STRC: variants seen among roughly 807,000 people sequenced by gnomAD.
The protein encoded by STRC is stereocilin.
Under a neutral mutation model 103.5 loss-of-function variants are expected in STRC, and 43 were observed. The observed-to-expected ratio is 0.42, with a 90% CI of 0.33 to 0.54. The LOEUF (loss-of-function observed/expected upper bound fraction) is 0.54, where lower values mean the gene tolerates loss of function less well. Ranked by LOEUF, STRC falls within the 20% of genes least tolerant of loss-of-function variation. The probability of loss-of-function intolerance (pLI) is 0.14; values close to 1 mark genes in which losing one functional copy is unlikely to be tolerated. For missense variants in STRC, 499 were observed against 1,088.5 expected (o/e 0.46, Z 7.62); for synonymous variants, 186 against 442.3 (o/e 0.42, Z 7.27).
At chr15:43,602,283 G>T (rs1367832980) in intron 23 of STRC, among the ~76,000 whole-genome samples, 1 of 151,726 alleles carries the variant, frequency 6.6e-6, no homozygotes, top group Non-Finnish European at 1.5e-5. Context: ...TGCACTCATG[G>T]GATTCTCCTA....
chr15:43,601,761 C>T, intron 23 of STRC: 2 of 573,474 alleles, frequency 3.5e-6, no homozygotes, highest in Non-Finnish European at 6.2e-6. Flanking sequence ...AAAAGAAGAG[C>T]AAACTAACTC....
At chr15:43,600,835 C>T in intron 25 of STRC, 37 bp downstream of exon 25, 6 of 1,613,760 alleles carry the variant, frequency 3.7e-6, no homozygotes, top group South Asian at 1.1e-5. Flanking sequence ...TCCACCTTTA[C>T]CTCAGCACCA....
rs767820158 is a variant in STRC at position 43,604,089 on chromosome 15, T to G, written c.4282A>C (p.Arg1428=). 4.3e-6 allele frequency: 7 copies of G among 1,613,208 alleles called. No homozygotes were observed. The Admixed American group carries it at 6.7e-5, about 15-fold the overall frequency. Reference sequence around the variant, plus strand: ...GGCTCCCTACACAGCTGTCCAACTCTGCTCTGCTCCCAGCTCTGCTGCTTT... The same window carrying G: ...GGCTCCCTACACAGCTGTCCAACTCGGCTCTGCTCCCAGCTCTGCTGCTTT... ...LEKQQSWEQS[R]VGQLCREPQL... is the part of the protein sequence containing the mutation. The change falls in exon 22 of 29, where the codon AGA becomes CGA. Residue 1428 remains arginine (R), a synonymous_variant. Transcript: ENST00000450892.
Position 43,604,131 on chromosome 15 carries a change from G to A in STRC, c.4240C>T (p.Leu1414=). 1 of 1,610,560 alleles carries A rather than the reference G, an allele frequency of 6.2e-7. No individual in the cohort carries two copies. Among genetic ancestry groups the A allele is most frequent in the Non-Finnish European group, 8.5e-7 (1 of 1,178,628 alleles). ...IPREALGPET[L]ERLLEKQQSW... is the part of the protein sequence containing the mutation. ...TGCTGCTTTTCTAGAAGCCGCTCCAGGGTCTCTGGACCCAAGGCCTCCTGC... is the reference window on the plus strand; with the variant it reads ...TGCTGCTTTTCTAGAAGCCGCTCCAAGGTCTCTGGACCCAAGGCCTCCTGC... Residue 1414 remains leucine, a synonymous_variant, in exon 22 of 29, where the codon CTG becomes TTG. Transcript: ENST00000450892.
At chr15:43,610,119 G>C (rs1398040228) in intron 15 of STRC, 193 bp downstream of exon 15, 4 of 1,321,476 alleles carry the variant, frequency 3.0e-6, no homozygotes, top group African/African-American at 1.5e-5. Context: ...GATTGCCTGA[G>C]CTCAGGAGTT....
chr15:43,605,312 C>T lies in STRC; in HGVS notation c.3882G>A (p.Leu1294=). 1 of 1,590,448 alleles carries T rather than the reference C, an allele frequency of 6.3e-7. No individual in the cohort carries two copies. Among genetic ancestry groups the T allele is most frequent in the South Asian group, 1.1e-5 (1 of 87,992 alleles). The stretch of plus-strand genomic sequence containing the variant: ...CCAGGGCTGCCTGGTGGAGGGGGGT[C>T]AGTGCCAGCAGCTGCTCTGGAGCTC... ...VQRAPEQLLA[L]TPLHQAALAE... The change falls in exon 19 of 29, where the codon CTG becomes CTA. Residue 1294 remains leucine (L), a synonymous_variant. Transcript: ENST00000450892.
At chr15:43,602,877 C>T (rs1441335540) in intron 23 of STRC, among the ~76,000 whole-genome samples, 2 of 151,582 alleles carry the variant, frequency 1.3e-5, no homozygotes, top group Non-Finnish European at 2.9e-5. Context: ...GATCTCCTGA[C>T]CTCGTGATCT....
In STRC at chr15:43,604,732, G is replaced by A. The variant is rs768496019; in HGVS notation, c.4045C>T (p.Leu1349Phe). 6.2e-7 allele frequency: 1 copy of A among 1,613,662 alleles called. No homozygotes were observed. The highest frequency in any genetic ancestry group is 1.1e-5 in the South Asian group (1 of 91,054). ...QIPLQILLSH[L>F]SQLQGFCLGE... ...AGGCAGAAGCCTTGCAGCTGACTGA[G>A]ATGGGACAGCAGGATCTGTAGGGGG... The change falls in exon 20 of 29, where the codon CTC becomes TTC. Residue 1349 changes from leucine (L) to phenylalanine (F), a missense_variant. Leu to Phe is a conservative substitution (Grantham distance 22). Coordinates refer to ENST00000450892, the MANE Select transcript of STRC (RefSeq NM_153700.2).
intron 23 of STRC, among the ~76,000 whole-genome samples, chr15:43,602,255 A>G (rs985157233): frequency 3.3e-5 from 5 of 151,474 alleles, no homozygotes; most frequent in Non-Finnish European, 7.4e-5. Flanking sequence ...ATCTTGGCAC[A>G]TTGCACCCTC....
intron 24 of STRC, 27 bp downstream of exon 24, chr15:43,601,369 A>G (rs1445805770): frequency 1.2e-6 from 2 of 1,611,982 alleles, no homozygotes; most frequent in East Asian, 2.2e-5. Context: ...GTGTTTGGGA[A>G]GCCGTAGGGA....
intron 22 of STRC, chr15:43,603,651 T>G (rs1257808198): frequency 1.6e-6 from 1 of 632,634 alleles, no homozygotes; most frequent in Non-Finnish European, 2.7e-6. Flanking sequence ...GATTTAATGG[T>G]AGCACTGAAT....
intron 22 of STRC, chr15:43,603,635 T>C: frequency 1.5e-6 from 1 of 647,614 alleles, no homozygotes; most frequent in South Asian, 1.8e-5. Flanking sequence ...GAGGATGTTA[T>C]TCAGAGATTT....
chr15:43,603,447 G>A (rs1222765971), intron 22 of STRC, 36 bp from the exon 23 acceptor site: 15 of 1,603,076 alleles, frequency 9.4e-6, no homozygotes, highest in Non-Finnish European at 1.3e-5. Context: ...GGTCAGCGCA[G>A]TAATAAAATA....
At position 43,604,888 on chromosome 15, in the gene STRC, CAG is replaced by C. The variant is rs1396122101; in HGVS notation, c.3931-44_3931-43del. 4 of 1,570,736 alleles carry C rather than the reference CAG, an allele frequency of 2.5e-6. No individual in the cohort carries two copies. In the African/African-American group the frequency reaches 5.4e-5, roughly 21 times the overall value. On this transcript the variant is annotated intron_variant, in intron 19 of 28. Transcript: ENST00000450892. Reference sequence around the variant, plus strand: ...GAACTTGGACAATGCACTTCTGACTCAGAATACCAGACACCTTGATCAAGACA... The same window carrying C: ...GAACTTGGACAATGCACTTCTGACTCAATACCAGACACCTTGATCAAGACA...
In STRC at chr15:43,601,555, G is replaced by A; in HGVS notation, c.4546-4C>T. On this transcript the variant is annotated splice_region_variant and splice_polypyrimidine_tract_variant and intron_variant, in intron 23 of 28. Coordinates refer to ENST00000450892, the MANE Select transcript of STRC (RefSeq NM_153700.2). ...ATCCCCGGGGGGGACCCCACAACTA[G>A]GAGAAAGACAGGAACAATGTGAGTG... 2 of 1,613,724 alleles carry A rather than the reference G, an allele frequency of 1.2e-6. No individual in the cohort carries two copies. Among genetic ancestry groups the A allele is most frequent in the South Asian group, 2.2e-5 (2 of 91,056 alleles).
At chr15:43,601,862 G>A (rs2085671659) in intron 23 of STRC, among the ~76,000 whole-genome samples, 1 of 151,802 alleles carries the variant, frequency 6.6e-6, no homozygotes, top group Non-Finnish European at 1.5e-5. Flanking sequence ...GCTAACAGCT[G>A]TAATCCCAGC....
intron 24 of STRC, 60 bp downstream of exon 24, chr15:43,601,336 A>G (rs2085666337): frequency 5.0e-6 from 8 of 1,608,258 alleles, no homozygotes; most frequent in South Asian, 3.3e-5. Flanking sequence ...TAGATGATCT[A>G]TAGGGCTGGG....
chr15:43,604,274 C>A (rs2085696014), intron 21 of STRC, 87 bp downstream of exon 21: 4 of 1,595,172 alleles, frequency 2.5e-6, no homozygotes, highest in Non-Finnish European at 3.4e-6. Flanking sequence ...GCTTCATATC[C>A]TTTGCCCTCT....
At chr15:43,600,506 T>A (rs1266260239) in intron 26 of STRC, 28 bp downstream of exon 26, 2 of 1,610,690 alleles carry the variant, frequency 1.2e-6, no homozygotes, top group Non-Finnish European at 1.7e-6. Flanking sequence ...CCAAACCAAC[T>A]TGCACCAGCA....
Sources: allele counts gnomAD v4.1 joint callset (sites outside exome capture counted in the v4.1 genomes callset), GRCh38; gene constraint gnomAD v4.1.1; transcripts MANE v1.5; gene names NCBI Gene and HGNC (gene_info 2026-07-23, HGNC 2026-07-21).